Variants in PKIB observed in about 807,000 individuals in gnomAD.
The protein encoded by PKIB is PKI-beta.
PKIB carries 2 observed loss-of-function variants against 4.5 expected under a neutral mutation model. That is an observed-to-expected ratio of 0.44 (90% CI 0.18 to 1.39). PKIB has a LOEUF of 1.39. PKIB is among the 40% of genes most tolerant of loss of function. The pLI is 0.27. For missense variants in PKIB, 94 were observed against 92.6 expected, an observed-to-expected ratio of 1.02 and a Z score of -0.06; for synonymous variants, 38 against 36.0, an observed-to-expected ratio of 1.06 and a Z score of -0.20.
chr6:122,689,373 A>T (rs1195679947), intron 3 of PKIB, among the ~76,000 whole-genome samples: 2 of 151,918 alleles, frequency 1.3e-5, no homozygotes. Context: ...TTGAAATTTT[A>T]TTCTTTTTTG....
chr6:122,661,013 G>T (rs1776963730), intron 2 of PKIB, among the ~76,000 whole-genome samples: 1 of 151,850 alleles, frequency 6.6e-6, no homozygotes, highest in Non-Finnish European at 1.5e-5. Context: ...TAACAAGCTG[G>T]CATCCTAGTT....
At position 122,671,489 on chromosome 6, in the gene PKIB, C is replaced by G. The variant is rs117641489; in HGVS notation, c.-75-3589C>G. Among the ~76,000 whole-genome samples, 183 of 152,232 alleles carry G rather than the reference C, an allele frequency of 1.2e-3. 3 individuals carry two copies. In the East Asian group the frequency reaches 0.02, roughly 17 times the overall value. ...TGTAAAAGCCTTTACCGGAACATGC[C>G]TTTGACTGAACTTTGTCCTCCAAAC... On this transcript the variant is annotated intron_variant, in intron 2 of 4. Coordinates refer to ENST00000368452, the MANE Select transcript of PKIB (RefSeq NM_181795.3).
chr6:122,619,642 A>T (rs1775142118), intron 1 of PKIB, among the ~76,000 whole-genome samples: 1 of 152,088 alleles, frequency 6.6e-6, no homozygotes, highest in South Asian at 2.1e-4. Context: ...GAAGGAAAAA[A>T]ATTTCTATAA....
chr6:122,481,825 A>G (rs1015752362), intron 2 of PKIB: 1 of 152,200 alleles, frequency 6.6e-6, no homozygotes, highest in Non-Finnish European at 1.5e-5. Context: ...TTTTTTTTAA[A>G]TATTGCTTTG....
At chr6:122,484,200 A>G (rs1775702310) in intron 2 of PKIB, 1 of 151,970 alleles carries the variant, frequency 6.6e-6, no homozygotes, top group Non-Finnish European at 1.5e-5. Flanking sequence ...AAAAAAAACC[A>G]CTCTTGCAGT....
chr6:122,596,316 C>T (rs1030455358), intron 3 of PKIB, among the ~76,000 whole-genome samples: 8 of 152,200 alleles, frequency 5.3e-5, no homozygotes, highest in African/African-American at 1.9e-4. Flanking sequence ...TCATAGGGAA[C>T]TCCCCATGAG....
intron 2 of PKIB, among the ~76,000 whole-genome samples, chr6:122,648,699 C>T (rs182088130): frequency 1.2e-3 from 190 of 152,234 alleles, no homozygotes; most frequent in Admixed American, 2.1e-3. Context: ...AAATTTATAT[C>T]CATAGTAAGT....
chr6:122,627,827 T>C (rs182154256), intron 1 of PKIB, among the ~76,000 whole-genome samples: 27 of 152,218 alleles, frequency 1.8e-4, no homozygotes, highest in African/African-American at 6.3e-4. Flanking sequence ...AAAACTTCTT[T>C]TTATAAAATA....
At chr6:122,620,881 A>G (rs977810918) in intron 1 of PKIB, among the ~76,000 whole-genome samples, 2 of 152,146 alleles carry the variant, frequency 1.3e-5, no homozygotes, top group African/African-American at 4.8e-5. Flanking sequence ...TGCAGCAAAG[A>G]TTTCTGCATA....
intron 2 of PKIB, among the ~76,000 whole-genome samples, chr6:122,665,781 T>A (rs1008538965): frequency 6.6e-6 from 1 of 152,198 alleles, no homozygotes; most frequent in African/African-American, 2.4e-5. Flanking sequence ...TAGAGGTAAT[T>A]GTTTTTTGAT....
intron 2 of PKIB, among the ~76,000 whole-genome samples, chr6:122,657,700 G>A (rs1776827770): frequency 6.6e-6 from 1 of 152,194 alleles, no homozygotes; most frequent in African/African-American, 2.4e-5. Flanking sequence ...AAACTCTGTT[G>A]ATATTTGTTG....
chr6:122,524,300 CTCTT>C (rs1201115009), intron 2 of PKIB, among the ~76,000 whole-genome samples: 2 of 144,034 alleles, frequency 1.4e-5, no homozygotes, highest in Non-Finnish European at 3.0e-5. Flanking sequence ...CCTCCTCATC[CTCTT>C]TCTTTTTCTT....
At chr6:122,717,152 G>C (rs1735825559) in intron 3 of PKIB, among the ~76,000 whole-genome samples, 1 of 151,928 alleles carries the variant, frequency 6.6e-6, no homozygotes, top group South Asian at 2.1e-4. Flanking sequence ...AGGGTGCTTA[G>C]GAAAGAACTA....
intron 4 of PKIB, among the ~76,000 whole-genome samples, chr6:122,720,967 G>C (rs1779717657): frequency 6.6e-6 from 1 of 152,172 alleles, no homozygotes; most frequent in Non-Finnish European, 1.5e-5. Context: ...CTCCCAAAGT[G>C]CTGGGGTTAC....
chr6:122,576,194 C>T (rs985164722), intron 2 of PKIB, among the ~76,000 whole-genome samples: 1 of 152,122 alleles, frequency 6.6e-6, no homozygotes, highest in African/African-American at 2.4e-5. Context: ...ATACATTAAG[C>T]CTTACACTTA....
chr6:122,538,983 G>T (rs902464469), intron 2 of PKIB, among the ~76,000 whole-genome samples: 1 of 151,964 alleles, frequency 6.6e-6, no homozygotes, highest in African/African-American at 2.4e-5. Flanking sequence ...CTCTCTGTTT[G>T]TCTGTTATTG....
intron 2 of PKIB, among the ~76,000 whole-genome samples, chr6:122,519,834 C>A (rs1406365443): frequency 6.6e-6 from 1 of 152,188 alleles, no homozygotes; most frequent in African/African-American, 2.4e-5. Context: ...AGAGACATTT[C>A]TAATCCCAAT....
At chr6:122,515,742 A>G (rs1776728236) in intron 2 of PKIB, among the ~76,000 whole-genome samples, 1 of 152,096 alleles carries the variant, frequency 6.6e-6, no homozygotes, top group South Asian at 2.1e-4. Context: ...TTTGAGATGG[A>G]GTCTTACTCT....
At chr6:122,647,789 A>T (rs897032090) in intron 2 of PKIB, among the ~76,000 whole-genome samples, 1 of 152,232 alleles carries the variant, frequency 6.6e-6, no homozygotes, top group Non-Finnish European at 1.5e-5. Context: ...CATGTGGTCA[A>T]TGCTGGTATT....
Sources: gnomAD v4.1 joint callset for allele counts (sites outside exome capture counted in the v4.1 genomes callset) on GRCh38, gnomAD v4.1.1 for gene constraint, MANE v1.5 for transcripts, NCBI Gene and HGNC (gene_info 2026-07-23, HGNC 2026-07-21) for gene names.